FHOD3: variants seen among roughly 807,000 people sequenced by gnomAD.
FHOD3 encodes FH1/FH2 domain-containing protein 3.
A neutral mutation model predicts 173.0 loss-of-function variants in FHOD3; 90 were observed. The observed-to-expected ratio is 0.52, with a 90% CI of 0.44 to 0.62. FHOD3 has a LOEUF of 0.62. Ranked by LOEUF, FHOD3 falls within the 20% of genes least tolerant of loss-of-function variation. The probability of loss-of-function intolerance (pLI) is 0.00; values close to 1 mark genes in which losing one functional copy is unlikely to be tolerated. For missense variants in FHOD3, 1,945 were observed against 2,034.7 expected, an observed-to-expected ratio of 0.96 and a Z score of 0.85; for synonymous variants, 828 against 823.0, an observed-to-expected ratio of 1.01 and a Z score of -0.10.
chr18:36,446,767 T>C (rs2051507597), intron 3 of FHOD3, among the ~76,000 whole-genome samples: 1 of 152,162 alleles, frequency 6.6e-6, no homozygotes, highest in African/African-American at 2.4e-5. Flanking sequence ...TTAGTGCAAA[T>C]CAGTGCTTTA....
intron 14 of FHOD3, among the ~76,000 whole-genome samples, chr18:36,671,649 A>G (rs2037541975): frequency 6.6e-6 from 1 of 152,240 alleles, no homozygotes; most frequent in Admixed American, 6.5e-5. Flanking sequence ...GCAACACGAA[A>G]GTGATAGGTT....
At chr18:36,505,026 A>G (rs2055231432) in intron 4 of FHOD3, among the ~76,000 whole-genome samples, 1 of 152,226 alleles carries the variant, frequency 6.6e-6, no homozygotes. Context: ...ACACATGCCC[A>G]GATCCCTCCA....
At chr18:36,498,855 T>C (rs559761541) in intron 3 of FHOD3, among the ~76,000 whole-genome samples, 3 of 152,334 alleles carry the variant, frequency 2.0e-5, no homozygotes, top group Admixed American at 6.5e-5. Context: ...ATTTAATTTG[T>C]ATTTTAAAAA....
Position 36,372,286 on chromosome 18 carries a change from C to T in FHOD3, c.273-394C>T, listed in dbSNP as rs540648850. ...TGTGTTCCCTTTTCCTATATCTGCCCCCAACCCCACAAAAAGGTAAAAATA... is the reference window on the plus strand; with the variant it reads ...TGTGTTCCCTTTTCCTATATCTGCCTCCAACCCCACAAAAAGGTAAAAATA... On this transcript the variant is annotated intron_variant, in intron 2 of 28. Transcript: ENST00000590592. Among the ~76,000 whole-genome samples the T allele has an allele frequency of 2.0e-5, 3 of 152,228 alleles. No individual in the cohort carries two copies. In the South Asian group the frequency reaches 6.2e-4, roughly 32 times the overall value.
chr18:36,680,294 A>G (rs1412828702), intron 14 of FHOD3, among the ~76,000 whole-genome samples: 1 of 152,190 alleles, frequency 6.6e-6, no homozygotes, highest in Non-Finnish European at 1.5e-5. Flanking sequence ...GCAGTCTGTA[A>G]TATGAAAGTC....
chr18:36,326,129 A>C (rs1340676994), intron 1 of FHOD3, among the ~76,000 whole-genome samples: 2 of 152,216 alleles, frequency 1.3e-5, no homozygotes. Context: ...TGTCTTTTGC[A>C]AGCCCTGGGG....
chr18:36,466,190 T>G (rs73421044), intron 3 of FHOD3, among the ~76,000 whole-genome samples: 10,562 of 152,276 alleles, frequency 0.069, 683 homozygotes, highest in East Asian at 0.27. Context: ...ACTCTCAGGC[T>G]ATCCCGCAGA....
intron 3 of FHOD3, among the ~76,000 whole-genome samples, chr18:36,411,089 C>A (rs1010048930): frequency 4.6e-5 from 7 of 152,004 alleles, no homozygotes; most frequent in Non-Finnish European, 8.8e-5. Context: ...ATTGCCTAAT[C>A]CAAGGCCATG....
intron 1 of FHOD3, among the ~76,000 whole-genome samples, chr18:36,324,506 G>T (rs1448356983): frequency 1.3e-5 from 2 of 152,102 alleles, no homozygotes; most frequent in African/African-American, 4.8e-5. Context: ...TTCAATAAAG[G>T]ACTCATATTC....
chr18:36,747,366 G>A (rs2042199736), intron 24 of FHOD3, among the ~76,000 whole-genome samples: 1 of 152,152 alleles, frequency 6.6e-6, no homozygotes, highest in Admixed American at 6.5e-5. Context: ...GAAATAATTT[G>A]ATCCAAAAAT....
intron 6 of FHOD3, among the ~76,000 whole-genome samples, chr18:36,582,207 G>A (rs528750790): frequency 8.5e-4 from 130 of 152,306 alleles, no homozygotes; most frequent in African/African-American, 2.9e-3. Context: ...TGTGCCCCAG[G>A]AGACACTGGC....
chr18:36,414,463 AG>A (rs1177403026), intron 3 of FHOD3, among the ~76,000 whole-genome samples: 2 of 152,178 alleles, frequency 1.3e-5, no homozygotes, highest in Non-Finnish European at 2.9e-5. Flanking sequence ...TAGCCGAGTG[AG>A]TTCCAGAGCC....
chr18:36,696,426 T>C (rs1340960917), intron 17 of FHOD3, among the ~76,000 whole-genome samples: 2 of 138,072 alleles, frequency 1.4e-5, no homozygotes, highest in East Asian at 1.9e-4. Context: ...GGGTTCTTTC[T>C]TTTATAACTC....
At chr18:36,617,638 G>T (rs1444927921) in intron 9 of FHOD3, among the ~76,000 whole-genome samples, 1 of 113,730 alleles carries the variant, frequency 8.8e-6, no homozygotes, top group Non-Finnish European at 1.8e-5. Context: ...AAGATGTTTA[G>T]GTATCAGTTT....
At chr18:36,435,439 A>G (rs114286805) in intron 3 of FHOD3, among the ~76,000 whole-genome samples, 1,533 of 152,238 alleles carry the variant, frequency 0.01, 27 homozygotes, top group African/African-American at 0.035. Context: ...AATGTTCACT[A>G]TTTCATATAT....
intron 28 of FHOD3, among the ~76,000 whole-genome samples, chr18:36,776,185 C>CTT (rs879763120): frequency 3.6e-4 from 51 of 139,938 alleles, no homozygotes; most frequent in African/African-American, 1.1e-3. Context: ...TGTCCCCAGC[C>CTT]TTTTTTTTTT....
chr18:36,328,005 G>GT (rs2044764630), intron 1 of FHOD3, among the ~76,000 whole-genome samples: 1 of 152,120 alleles, frequency 6.6e-6, no homozygotes, highest in African/African-American at 2.4e-5. Flanking sequence ...AACCTTAGGT[G>GT]TTTCCACTTC....
At chr18:36,357,432 T>C (rs1196102494) in intron 2 of FHOD3, among the ~76,000 whole-genome samples, 3 of 152,206 alleles carry the variant, frequency 2.0e-5, no homozygotes, top group Admixed American at 1.3e-4. Context: ...CTGAATAGCA[T>C]GGCCATGCGC....
intron 2 of FHOD3, among the ~76,000 whole-genome samples, chr18:36,369,496 CACATAT>C (rs2047067367): frequency 9.4e-6 from 1 of 106,092 alleles, no homozygotes; most frequent in Admixed American, 9.9e-5. Context: ...CACACACACA[CACATAT>C]ATATAGAGAG....
Sources: gnomAD v4.1 joint callset for allele counts (sites outside exome capture counted in the v4.1 genomes callset) on GRCh38, gnomAD v4.1.1 for gene constraint, MANE v1.5 for transcripts, NCBI Gene and HGNC (gene_info 2026-07-23, HGNC 2026-07-21) for gene names.